Variants in TEK observed in about 807,000 individuals in gnomAD.
TEK encodes angiopoietin-1 receptor.
In TEK, 43 loss-of-function variants were observed where a neutral mutation model predicts 131.8. The ratio of observed to expected loss-of-function variants is 0.33; its 90% confidence interval spans 0.26 to 0.42. TEK has a LOEUF of 0.42. TEK is among the 10% of genes least tolerant of loss of function. TEK has a pLI of 1.00. For missense variants in TEK, 1,162 were observed against 1,384.4 expected (o/e 0.84, Z 2.55); for synonymous variants, 580 against 491.6 (o/e 1.18, Z -2.38).
intron 6 of TEK, among the ~76,000 whole-genome samples, chr9:27,174,366 G>A (rs573290655): frequency 6.6e-6 from 1 of 152,236 alleles, no homozygotes; most frequent in South Asian, 2.1e-4. Context: ...AGAAATATAA[G>A]CCATCCACAT....
rs1041353725 is a variant in TEK at position 27,137,766 on chromosome 9, T to C, written c.53-20065T>C. 2.0e-5 allele frequency among the ~76,000 whole-genome samples: 3 copies of C among 152,282 alleles called. No homozygotes were observed. The East Asian group carries it at 5.8e-4, about 29-fold the overall frequency. On this transcript the variant is annotated intron_variant, in intron 1 of 22. Coordinates refer to ENST00000380036, the MANE Select transcript of TEK (RefSeq NM_000459.5). ...TGAATTCTACCCACACCTAAGAACA[T>C]CTTTTAGACTTCTCATTTTTCTCTT... is the stretch of plus-strand genomic sequence containing the variant.
chr9:27,223,394 G>GA (rs1159615780), intron 21 of TEK, among the ~76,000 whole-genome samples: 1 of 151,976 alleles, frequency 6.6e-6, no homozygotes, highest in Admixed American at 6.6e-5. Flanking sequence ...AAGCAAATGC[G>GA]AAAAAACGGA....
In TEK at chr9:27,212,710, A is replaced by ACTTG; in HGVS notation, c.2691_2694dup (p.Tyr899LeufsTer6). 1 of 1,614,052 alleles carries ACTTG rather than the reference A, an allele frequency of 6.2e-7. No individual in the cohort carries two copies. The highest frequency in any genetic ancestry group is 2.2e-5 in the East Asian group (1 of 44,850). On this transcript the variant is annotated frameshift_variant, in exon 17 of 23. Transcript: ENST00000380036. LOFTEE classifies it high-confidence loss of function. ...ATGCTCTCTTCCTTCCCTCCAGGCTACTTGTACCTGGCCATTGAGTACGCG... is the reference window on the plus strand; with the variant it reads ...ATGCTCTCTTCCTTCCCTCCAGGCTACTTGCTTGTACCTGGCCATTGAGTACGCG...
intron 1 of TEK, among the ~76,000 whole-genome samples, chr9:27,142,487 C>T (rs559931767): frequency 2.0e-5 from 3 of 152,310 alleles, no homozygotes; most frequent in East Asian, 1.9e-4. Context: ...TGGGGACTTC[C>T]GTAGCACTGG....
In TEK at chr9:27,183,565, T is replaced by G; in HGVS notation, c.1137T>G (p.Thr379=). Reference sequence around the variant, plus strand: ...AAGCTTCTGGCTGGCCGCTACCTACTAATGAAGAAATGACCCTGGTGAAGC... The same window carrying G: ...AAGCTTCTGGCTGGCCGCTACCTACGAATGAAGAAATGACCCTGGTGAAGC... The part of the protein sequence containing the change: ...ICKASGWPLP[T]NEEMTLVKPD... The change falls in exon 8 of 23, where the codon ACT becomes ACG. Residue 379 remains threonine, a synonymous_variant. Transcript: ENST00000380036. 6.2e-7 allele frequency: 1 copy of G among 1,613,942 alleles called. No individual in the cohort carries two copies. The highest frequency in any genetic ancestry group is 8.5e-7 in the Non-Finnish European group (1 of 1,179,846).
intron 2 of TEK, among the ~76,000 whole-genome samples, chr9:27,159,077 A>C (rs1823449304): frequency 6.6e-6 from 1 of 152,184 alleles, no homozygotes; most frequent in African/African-American, 2.4e-5. Flanking sequence ...GATTAGATGG[A>C]TGTATTGACC....
intron 1 of TEK, among the ~76,000 whole-genome samples, chr9:27,153,252 G>A (rs1246441295): frequency 6.6e-6 from 1 of 152,052 alleles, no homozygotes; most frequent in East Asian, 1.9e-4. Flanking sequence ...TTCAAGACCA[G>A]CCTGGCCAAC....
At position 27,190,558 on chromosome 9, in the gene TEK, G is replaced by A. The variant is rs373235916; in HGVS notation, c.1357G>A (p.Val453Met). Residue 453 changes from valine to methionine, a missense_variant, in exon 10 of 23, where the codon GTG becomes ATG. This residue lies in a region of TEK where 477 missense variants were observed against 471.0 expected (regional missense o/e 1.01). Coordinates refer to ENST00000380036, the MANE Select transcript of TEK (RefSeq NM_000459.5). ...TCCAAAGCCCCTGAATGCCCCAAACGTGATTGACACTGGACATAACTTTGC... is the reference window on the plus strand; with the variant it reads ...TCCAAAGCCCCTGAATGCCCCAAACATGATTGACACTGGACATAACTTTGC... ...VLPKPLNAPN[V>M]IDTGHNFAVI... 7 of 1,613,846 alleles carry A rather than the reference G, an allele frequency of 4.3e-6. No homozygotes were observed. Among genetic ancestry groups the A allele is most frequent in the Middle Eastern group, 1.6e-4 (1 of 6,082 alleles).
intron 1 of TEK, among the ~76,000 whole-genome samples, chr9:27,131,177 A>C (rs1212917082): frequency 6.6e-6 from 1 of 152,186 alleles, no homozygotes; most frequent in Non-Finnish European, 1.5e-5. Context: ...GTGTAGACCA[A>C]GAGCTTTTAA....
chr9:27,200,794 A>G (rs1825188157), intron 12 of TEK, among the ~76,000 whole-genome samples: 1 of 152,198 alleles, frequency 6.6e-6, no homozygotes, highest in Non-Finnish European at 1.5e-5. Context: ...AAACATTTAC[A>G]TGGGGAGTAT....
chr9:27,219,957 T>G (rs1355224852), intron 20 of TEK, 92 bp from the exon 21 acceptor site: 2 of 1,328,276 alleles, frequency 1.5e-6, no homozygotes, highest in Non-Finnish European at 2.2e-6. Context: ...ATACCATGTC[T>G]TCCTCCTGGC....
chr9:27,143,488 G>A (rs1232980721), intron 1 of TEK, among the ~76,000 whole-genome samples: 1 of 152,148 alleles, frequency 6.6e-6, no homozygotes, highest in Non-Finnish European at 1.5e-5. Flanking sequence ...TTTAGCAAGT[G>A]AGACTCATAC....
intron 1 of TEK, among the ~76,000 whole-genome samples, chr9:27,129,302 GA>G (rs951072749): frequency 1.3e-5 from 2 of 152,128 alleles, no homozygotes; most frequent in African/African-American, 4.8e-5. Context: ...CAGGTCAAAG[GA>G]AAAGATGATT....
rs504947 is a variant in TEK at position 27,156,997 on chromosome 9, G to A, written c.53-834G>A. ...AATCAAAAAAGGGAGGGGTGGGGAGGGGAGAGAGAGAAAGAAAGAGAAATA... is the reference window on the plus strand; with the variant it reads ...AATCAAAAAAGGGAGGGGTGGGGAGAGGAGAGAGAGAAAGAAAGAGAAATA... On this transcript the variant is annotated intron_variant, in intron 1 of 22. Transcript: ENST00000380036. Among the ~76,000 whole-genome samples the A allele has an allele frequency of 1.4e-3, 216 of 152,146 alleles. 1 individual carries two copies. Among genetic ancestry groups the A allele is most frequent in the African/African-American group, 4.9e-3 (204 of 41,490 alleles).
chr9:27,174,605 T>C (rs1181616224), intron 6 of TEK, among the ~76,000 whole-genome samples: 1 of 152,172 alleles, frequency 6.6e-6, no homozygotes, highest in Non-Finnish European at 1.5e-5. Context: ...TGGCTAACTG[T>C]ACTGGACAGC....
chr9:27,172,288 C>T (rs1435721156), intron 4 of TEK, among the ~76,000 whole-genome samples: 1 of 152,128 alleles, frequency 6.6e-6, no homozygotes, highest in East Asian at 1.9e-4. Flanking sequence ...CTTGTCTTTG[C>T]CTGGAAGACA....
At chr9:27,213,414 T>G in intron 17 of TEK, 70 bp from the exon 18 acceptor site, 1 of 1,128,000 alleles carries the variant, frequency 8.9e-7, no homozygotes, top group Non-Finnish European at 1.3e-6. Flanking sequence ...TTTTCTTTCC[T>G]GTTCCCCAAA....
intron 1 of TEK, among the ~76,000 whole-genome samples, chr9:27,144,477 G>T (rs191150947): frequency 6.6e-6 from 1 of 152,156 alleles, no homozygotes; most frequent in African/African-American, 2.4e-5. Context: ...CTCTCTTAAC[G>T]AATGCGCATA....
chr9:27,114,003 ACT>A (rs1157883737), intron 1 of TEK, among the ~76,000 whole-genome samples: 2 of 151,624 alleles, frequency 1.3e-5, no homozygotes, highest in East Asian at 3.9e-4. Context: ...GCCCAGGCCA[ACT>A]CTTCCTCCTG....
Sources: gnomAD v4.1 joint callset for allele counts (sites outside exome capture counted in the v4.1 genomes callset) on GRCh38, gnomAD v4.1.1 for gene constraint, gnomAD v4.1.1 regional missense constraint, MANE v1.5 for transcripts, NCBI Gene and HGNC (gene_info 2026-07-23, HGNC 2026-07-21) for gene names.